ANP32A: variants seen among roughly 807,000 people sequenced by gnomAD.
ANP32A encodes acidic leucine-rich nuclear phosphoprotein 32 family member A.
A neutral mutation model predicts 33.9 loss-of-function variants in ANP32A; 1 was observed. That is an observed-to-expected ratio of 0.03 (90% CI 0.01 to 0.14). The LOEUF is 0.14. ANP32A is among the 10% of genes least tolerant of loss of function. The probability of loss-of-function intolerance (pLI) is 1.00; values close to 1 mark genes in which losing one functional copy is unlikely to be tolerated. For synonymous variants in ANP32A, 115 were observed against 120.5 expected (o/e 0.95, Z 0.30); for missense variants, 155 against 306.0 (o/e 0.51, Z 3.68).
intron 1 of ANP32A, among the ~76,000 whole-genome samples, chr15:68,806,297 G>C (rs993051694): frequency 6.6e-6 from 1 of 152,116 alleles, no homozygotes; most frequent in East Asian, 1.9e-4. Context: ...ATGGCCACTG[G>C]TCAATCTCAG....
At chr15:68,817,685 G>C (rs1463470095) in intron 1 of ANP32A, 1 of 152,306 alleles carries the variant, frequency 6.6e-6, no homozygotes, top group Admixed American at 6.6e-5. Flanking sequence ...GAGCGCGTGG[G>C]GGGGGGCATT....
rs149000602 is a variant in ANP32A at position 68,804,602 on chromosome 15, G to A, written c.54+16096C>T. Among the ~76,000 whole-genome samples the A allele has an allele frequency of 1.8e-3, 279 of 152,192 alleles. 1 individual carries two copies. Among genetic ancestry groups the A allele is most frequent in the African/African-American group, 3.8e-3 (157 of 41,508 alleles). ...GGCTGGAGTGTAGTGGCACAATCTC[G>A]GTTCACTGCAACCTCTGATTCTCCT... On this transcript the variant is annotated intron_variant, in intron 1 of 6. Transcript: ENST00000465139.
At chr15:68,800,090 G>C (rs187338206) in intron 1 of ANP32A, among the ~76,000 whole-genome samples, 1 of 152,130 alleles carries the variant, frequency 6.6e-6, no homozygotes, top group Non-Finnish European at 1.5e-5. Flanking sequence ...GTGACCGTGG[G>C]CAAAGAGCTT....
chr15:68,784,362 G>T (rs1365844515), intron 4 of ANP32A, 35 bp downstream of exon 4: 3 of 1,605,580 alleles, frequency 1.9e-6, no homozygotes, highest in Non-Finnish European at 1.7e-6. Context: ...CCTCAGCTGG[G>T]CCCCTGCAGC....
chr15:68,809,264 C>T (rs186548201), intron 1 of ANP32A, among the ~76,000 whole-genome samples: 1 of 152,304 alleles, frequency 6.6e-6, no homozygotes, highest in East Asian at 1.9e-4. Context: ...ATGTCCCCTA[C>T]CCCTACTCAT....
chr15:68,800,377 G>A (rs1410817375), intron 1 of ANP32A, among the ~76,000 whole-genome samples: 1 of 151,914 alleles, frequency 6.6e-6, no homozygotes, highest in Admixed American at 6.6e-5. Flanking sequence ...TTCTAGCAGG[G>A]GAGCCAAAGA....
At chr15:68,816,402 T>C (rs1284713401) in intron 1 of ANP32A, among the ~76,000 whole-genome samples, 1 of 152,186 alleles carries the variant, frequency 6.6e-6, no homozygotes, top group Non-Finnish European at 1.5e-5. Flanking sequence ...ACGATGATAA[T>C]AATAATACCT....
chr15:68,780,646 A>G lies in ANP32A; in HGVS notation c.625-173T>C, dbSNP rs1893856202. On this transcript the variant is annotated intron_variant, in intron 5 of 6. Coordinates refer to ENST00000465139, the MANE Select transcript of ANP32A (RefSeq NM_006305.4). This position sits in a 1 kb window ranked among gnomAD's most constrained non-coding sequence, Gnocchi z 4.3. ...AGAGGTTCTTAATTTATTTCAGATC[A>G]AGGACTCATTGGGAAATCTGCAGAA... 8.8e-7 allele frequency: 1 copy of G among 1,133,456 alleles called. No homozygotes were observed. Among genetic ancestry groups the G allele is most frequent in the African/African-American group, 1.6e-5 (1 of 63,958 alleles). The allele number at this position is 1,133,456 out of a possible 1,614,324, so 70.2% of individuals were successfully genotyped here.
intron 1 of ANP32A, among the ~76,000 whole-genome samples, chr15:68,811,344 A>G (rs1894309563): frequency 1.3e-5 from 2 of 152,192 alleles, no homozygotes; most frequent in Admixed American, 1.3e-4. Flanking sequence ...TCCAAAGGAC[A>G]GGAGTGGCTA....
chr15:68,806,297 G>A (rs993051694), intron 1 of ANP32A, among the ~76,000 whole-genome samples: 2 of 152,116 alleles, frequency 1.3e-5, no homozygotes, highest in Non-Finnish European at 2.9e-5. Flanking sequence ...ATGGCCACTG[G>A]TCAATCTCAG....
chr15:68,813,833 G>C (rs1894343380), intron 1 of ANP32A, among the ~76,000 whole-genome samples: 1 of 150,656 alleles, frequency 6.6e-6, no homozygotes, highest in Non-Finnish European at 1.5e-5. Context: ...AAAGGCATGA[G>C]ATGTCTAAAG....
chr15:68,802,387 C>CT (rs1222862283), intron 1 of ANP32A, among the ~76,000 whole-genome samples: 1 of 152,084 alleles, frequency 6.6e-6, no homozygotes, highest in Non-Finnish European at 1.5e-5. Flanking sequence ...ATTGCCTTGC[C>CT]TTTTTTTCAT....
intron 4 of ANP32A, among the ~76,000 whole-genome samples, chr15:68,784,037 C>G (rs1893902814): frequency 6.6e-6 from 1 of 152,078 alleles, no homozygotes; most frequent in South Asian, 2.1e-4. Flanking sequence ...ACTGTAGAAT[C>G]CCACTCCCTG....
At chr15:68,807,587 A>C (rs1596073609) in intron 1 of ANP32A, among the ~76,000 whole-genome samples, 2 of 149,670 alleles carry the variant, frequency 1.3e-5, no homozygotes, top group African/African-American at 2.5e-5. Flanking sequence ...ACTCCACCCC[A>C]CCCCCACCGC....
rs1432826574 is a variant in ANP32A, at chr15:68,780,417, C to T, written c.681G>A (p.Glu227=). 1 of 1,614,060 alleles carries T rather than the reference C, an allele frequency of 6.2e-7. No homozygotes were observed. The highest frequency in any genetic ancestry group is 8.5e-7 in the Non-Finnish European group (1 of 1,179,908). The change falls in exon 6 of 7, where the codon GAG becomes GAA. Residue 227 remains glutamate, a synonymous_variant. Transcript: ENST00000465139. The surrounding 1 kb of genome is among the most constrained non-coding windows in gnomAD (Gnocchi z 4.3). ...GEVDDEEDEE[E]LGEEERGQKR... ...GTAAAAAGGCTGCCATACCACCAAG[C>T]TCTTCTTCATCTTCCTCGTCATCTA...
At chr15:68,819,643 G>C (rs915640635) in intron 1 of ANP32A, among the ~76,000 whole-genome samples, 2 of 152,224 alleles carry the variant, frequency 1.3e-5, no homozygotes, top group Admixed American at 1.3e-4. Context: ...AATGGCTGCC[G>C]ACAAGCCCAG....
At position 68,780,562 on chromosome 15, in the gene ANP32A, T is replaced by G; in HGVS notation, c.625-89A>C. On this transcript the variant is annotated intron_variant, in intron 5 of 6. Coordinates refer to ENST00000465139, the MANE Select transcript of ANP32A (RefSeq NM_006305.4). This position sits in a 1 kb window ranked among gnomAD's most constrained non-coding sequence, Gnocchi z 4.3. ...CACACAGAGCACAAAAAGGCCGGGG[T>G]CACCCCCAGCCTCTCAGAGCCCCCA... 1.3e-6 allele frequency: 2 copies of G among 1,569,910 alleles called. No individual in the cohort carries two copies. Among genetic ancestry groups the G allele is most frequent in the Non-Finnish European group, 1.7e-6 (2 of 1,160,218 alleles).
intron 1 of ANP32A, among the ~76,000 whole-genome samples, chr15:68,800,560 C>A (rs570618353): frequency 1.6e-3 from 243 of 151,680 alleles, no homozygotes; most frequent in African/African-American, 5.7e-3. Flanking sequence ...CTGGCTAACA[C>A]GGTGAAACCC....
intron 1 of ANP32A, among the ~76,000 whole-genome samples, chr15:68,813,606 A>G (rs946239780): frequency 5.3e-5 from 8 of 152,198 alleles, no homozygotes; most frequent in African/African-American, 1.9e-4. Context: ...AGGAGACCAG[A>G]GAACTAGCTA....
Sources: gnomAD v4.1 joint callset for allele counts (sites outside exome capture counted in the v4.1 genomes callset) on GRCh38, gnomAD v4.1.1 for gene constraint, Gnocchi (gnomAD v3.1) non-coding constraint, MANE v1.5 for transcripts, NCBI Gene and HGNC (gene_info 2026-07-23, HGNC 2026-07-21) for gene names.